Variants in SPOCK3 observed in about 807,000 individuals in gnomAD.
SPOCK3 encodes SPARC (osteonectin), cwcv and kazal like domains proteoglycan 3.
SPOCK3 carries 30 observed loss-of-function variants against 56.6 expected under a neutral mutation model. The ratio of observed to expected loss-of-function variants is 0.53; its 90% CI spans 0.40 to 0.72. The LOEUF (loss-of-function observed/expected upper bound fraction) is 0.72. Among genes scored for constraint, SPOCK3 ranks in the 30% least tolerant of loss-of-function variants. The probability of loss-of-function intolerance (pLI) is 0.00; values close to 1 mark genes in which losing one functional copy is unlikely to be tolerated. For synonymous variants in SPOCK3, 196 were observed against 183.3 expected (o/e 1.07, Z -0.56); for missense variants, 527 against 530.0 (o/e 0.99, Z 0.06).
At chr4:166,931,341 G>A (rs542385973) in intron 4 of SPOCK3, among the ~76,000 whole-genome samples, 2 of 150,868 alleles carry the variant, frequency 1.3e-5, no homozygotes, top group Non-Finnish European at 2.9e-5. Flanking sequence ...GGGGGGTGGG[G>A]GGGCAAGAAA....
chr4:167,086,464 A>G (rs1304258667), intron 2 of SPOCK3, among the ~76,000 whole-genome samples: 1 of 152,094 alleles, frequency 6.6e-6, no homozygotes, highest in African/African-American at 2.4e-5. Flanking sequence ...TAGACTAAAA[A>G]GGATCTGGCT....
At position 166,950,032 on chromosome 4, in the gene SPOCK3, G is replaced by A. The variant is rs932208306; in HGVS notation, c.351-37289C>T. 4.7e-5 allele frequency among the ~76,000 whole-genome samples: 7 copies of A among 150,120 alleles called. 1 individual carries two copies. Among genetic ancestry groups the A allele is most frequent in the African/African-American group, 1.5e-4 (6 of 40,036 alleles). On this transcript the variant is annotated intron_variant, in intron 4 of 10. Transcript: ENST00000357545. Reference sequence around the variant, plus strand: ...CTAGGAAGAAACTGCATCAACTAACGAGCAAAATAACCAGCTAACTTCATA... The same window carrying A: ...CTAGGAAGAAACTGCATCAACTAACAAGCAAAATAACCAGCTAACTTCATA...
chr4:166,938,469 T>C (rs1468290798), intron 4 of SPOCK3, among the ~76,000 whole-genome samples: 2 of 151,814 alleles, frequency 1.3e-5, no homozygotes, highest in Admixed American at 6.6e-5. Flanking sequence ...ATCAATCTGG[T>C]AAAAAAAATG....
intron 4 of SPOCK3, among the ~76,000 whole-genome samples, chr4:166,985,580 A>G (rs1747061793): frequency 6.6e-6 from 1 of 152,140 alleles, no homozygotes; most frequent in African/African-American, 2.4e-5. Context: ...TCACAATAAT[A>G]ATCCTTGGAA....
At chr4:167,081,623 C>T (rs2150290725) in intron 2 of SPOCK3, among the ~76,000 whole-genome samples, 1 of 152,162 alleles carries the variant, frequency 6.6e-6, no homozygotes, top group Admixed American at 6.6e-5. Flanking sequence ...ATTAAAATCT[C>T]TGTCTGGAGA....
At chr4:167,079,508 T>C (rs562250326) in intron 2 of SPOCK3, among the ~76,000 whole-genome samples, 5 of 151,934 alleles carry the variant, frequency 3.3e-5, no homozygotes, top group Admixed American at 6.6e-5. Flanking sequence ...TAAATCTTTA[T>C]AGACTAAATA....
At chr4:166,974,373 A>G (rs1423421370) in intron 4 of SPOCK3, among the ~76,000 whole-genome samples, 5 of 152,168 alleles carry the variant, frequency 3.3e-5, no homozygotes, top group African/African-American at 4.8e-5. Context: ...ATACTAAAAG[A>G]ACATAATAAT....
chr4:167,112,438 C>T (rs889125009), intron 2 of SPOCK3, among the ~76,000 whole-genome samples: 4 of 152,042 alleles, frequency 2.6e-5, no homozygotes, highest in African/African-American at 9.7e-5. Context: ...CAGGGTCTGC[C>T]TACCTACTTC....
intron 6 of SPOCK3, among the ~76,000 whole-genome samples, chr4:166,875,135 TG>T (rs1483998802): frequency 2.6e-5 from 4 of 152,140 alleles, no homozygotes; most frequent in Admixed American, 2.6e-4. Context: ...TAAATATTTA[TG>T]ATAGGTTGGT....
intron 3 of SPOCK3, among the ~76,000 whole-genome samples, chr4:167,051,844 T>C (rs1754235621): frequency 6.6e-6 from 1 of 152,228 alleles, no homozygotes; most frequent in African/African-American, 2.4e-5. Context: ...GTCATTTCAC[T>C]TCCTGAAAGT....
chr4:166,937,146 T>C (rs1413780535), intron 4 of SPOCK3, among the ~76,000 whole-genome samples: 1 of 152,038 alleles, frequency 6.6e-6, no homozygotes, highest in African/African-American at 2.4e-5. Flanking sequence ...AAGGTAGATT[T>C]TTGGTAGATA....
chr4:166,824,908 G>A (rs1007072775), intron 6 of SPOCK3, among the ~76,000 whole-genome samples: 1 of 151,990 alleles, frequency 6.6e-6, no homozygotes, highest in African/African-American at 2.4e-5. Context: ...TTGCCAGTGG[G>A]GAAAAAAGCA....
rs572938661 is a variant in SPOCK3, at chr4:166,762,932, A to G, written c.710-8203T>C. The stretch of plus-strand genomic sequence containing the variant: ...GGGACTATGTCACTTGCCTTAACAT[A>G]TCAGCAATTGAGGTCTCAGAAGAAT... On this transcript the variant is annotated intron_variant, in intron 7 of 10. Transcript: ENST00000357545. Among the ~76,000 whole-genome samples the G allele has an allele frequency of 3.3e-5, 5 of 152,202 alleles. No homozygotes were observed. The East Asian group carries it at 9.7e-4, about 29-fold the overall frequency.
intron 8 of SPOCK3, among the ~76,000 whole-genome samples, chr4:166,751,227 A>G (rs770740424): frequency 5.9e-5 from 9 of 152,194 alleles, no homozygotes; most frequent in Non-Finnish European, 1.2e-4. Context: ...TAGGAAAATC[A>G]TATCTTTTAA....
chr4:166,793,221 G>T (rs1579242597), intron 6 of SPOCK3, among the ~76,000 whole-genome samples: 1 of 151,936 alleles, frequency 6.6e-6, no homozygotes, highest in Non-Finnish European at 1.5e-5. Flanking sequence ...TAAAAATTAT[G>T]CAATTATAGT....
chr4:166,806,019 C>A (rs1743126168), intron 6 of SPOCK3, among the ~76,000 whole-genome samples: 1 of 151,744 alleles, frequency 6.6e-6, no homozygotes, highest in Non-Finnish European at 1.5e-5. Context: ...ACACTGGATT[C>A]AAAGGTAATT....
intron 8 of SPOCK3, among the ~76,000 whole-genome samples, chr4:166,750,799 C>A (rs985128864): frequency 2.0e-5 from 3 of 152,092 alleles, no homozygotes; most frequent in Admixed American, 6.6e-5. Flanking sequence ...TACTACAATA[C>A]AAAGTATGTT....
rs1462387008 is a variant in SPOCK3, at chr4:166,792,184, C to T, written c.695G>A (p.Arg232Lys). Reference sequence around the variant, plus strand: ...AGAAATCTTACTGCTTCTCTCAGGCCTCAGCAATGTTTTTGTCTTCTTGTT... The same window carrying T: ...AGAAATCTTACTGCTTCTCTCAGGCTTCAGCAATGTTTTTGTCTTCTTGTT... ...SQNKKTKTLLRPERSRFDTSI... is the reference protein window; with the variant it reads ...SQNKKTKTLLKPERSRFDTSI... Residue 232 changes from arginine (R) to lysine (K), a missense_variant, in exon 7 of 11, where the codon AGG becomes AAG. Physicochemically the swap from Arg to Lys is conservative, Grantham distance 26. Transcript: ENST00000357545. 2.5e-6 allele frequency: 4 copies of T among 1,613,788 alleles called. No individual in the cohort carries two copies. The highest frequency in any genetic ancestry group is 1.7e-5 in the Admixed American group (1 of 60,000).
intron 2 of SPOCK3, among the ~76,000 whole-genome samples, chr4:167,222,217 T>C (rs1442712065): frequency 1.3e-5 from 2 of 152,036 alleles, no homozygotes; most frequent in African/African-American, 4.8e-5. Context: ...ACAAATACTG[T>C]TGTTCCACCT....
Sources: gnomAD v4.1 joint callset for allele counts (sites outside exome capture counted in the v4.1 genomes callset) on GRCh38, gnomAD v4.1.1 for gene constraint, MANE v1.5 for transcripts, NCBI Gene and HGNC (gene_info 2026-07-23, HGNC 2026-07-21) for gene names.